Variants in TRIM55 observed in about 807,000 individuals in gnomAD.
TRIM55 encodes the protein tripartite motif-containing protein 55.
In TRIM55, 50 loss-of-function variants were observed where a neutral mutation model predicts 60.9. That is an observed-to-expected ratio of 0.82 (90% CI 0.65 to 1.04). TRIM55 has a LOEUF of 1.04. Among genes scored for constraint, TRIM55 ranks in the 50% least tolerant of loss-of-function variants. The pLI, the probability that TRIM55 is intolerant of heterozygous loss-of-function variation, is 0.00. For missense variants in TRIM55, 681 were observed against 666.9 expected (o/e 1.02, Z -0.23); for synonymous variants, 237 against 238.1 (o/e 1.00, Z 0.04).
In TRIM55 at chr8:66,152,644, CTCTT is replaced by C. The variant is rs1439512981; in HGVS notation, c.1236+21_1236+24del. ...GTGACACAGGTAACCCCTCCTGAGT[CTCTT>C]TCTACAGGGCACATGGGCGTGTCTC... is the stretch of plus-strand genomic sequence containing the variant. On this transcript the variant is annotated intron_variant, in intron 8 of 9. Coordinates refer to ENST00000315962, the MANE Select transcript of TRIM55 (RefSeq NM_184085.2). 6 of 1,611,024 alleles carry C rather than the reference CTCTT, an allele frequency of 3.7e-6. No individual in the cohort carries two copies. Among genetic ancestry groups the C allele is most frequent in the Admixed American group, 1.7e-5 (1 of 59,456 alleles).
the TRIM55 span, among the ~76,000 whole-genome samples, chr8:66,118,697 C>T: frequency 6.6e-6 from 1 of 152,150 alleles, no homozygotes; most frequent in African/African-American, 2.4e-5. Flanking sequence ...TTGGGCCACA[C>T]CCTGAGCTCT....
intron 4 of TRIM55, among the ~76,000 whole-genome samples, chr8:66,148,648 A>G (rs1427032059): frequency 2.0e-5 from 3 of 152,236 alleles, no homozygotes; most frequent in African/African-American, 7.2e-5. Context: ...AATGGAGGAT[A>G]GTAGAATGTT....
At chr8:66,155,553 C>A in intron 9 of TRIM55, 2 of 1,219,020 alleles carry the variant, frequency 1.6e-6, no homozygotes, top group South Asian at 2.6e-5. Context: ...AATGAAAAGT[C>A]CATTGAAATA....
In TRIM55 at chr8:66,128,404, A is replaced by G. The variant is rs1227234086; in HGVS notation, c.269A>G (p.His90Arg). The change falls in exon 2 of 10, where the codon CAT becomes CGT. Residue 90 changes from histidine to arginine, a missense_variant. His to Arg is a conservative substitution (Grantham distance 29). Coordinates refer to ENST00000315962, the MANE Select transcript of TRIM55 (RefSeq NM_184085.2). ...AGACATGAAGTGGTTTTGGATAGAC[A>G]TGGGGTATATGGACTTCAGAGGAAC... is the stretch of plus-strand genomic sequence containing the variant. ...SCRHEVVLDRHGVYGLQRNLL... is the reference protein window; with the variant it reads ...SCRHEVVLDRRGVYGLQRNLL... The G allele has an allele frequency of 6.2e-7, 1 of 1,613,908 alleles. No individual in the cohort carries two copies. Among genetic ancestry groups the G allele is most frequent in the South Asian group, 1.1e-5 (1 of 90,996 alleles).
chr8:66,136,248 G>A (rs1809473776), intron 3 of TRIM55, among the ~76,000 whole-genome samples: 1 of 152,142 alleles, frequency 6.6e-6, no homozygotes, highest in East Asian at 1.9e-4. Flanking sequence ...ATGTGAGATG[G>A]ACAGAAGAAC....
At chr8:66,134,023 T>C (rs929395697) in intron 2 of TRIM55, among the ~76,000 whole-genome samples, 2 of 152,170 alleles carry the variant, frequency 1.3e-5, no homozygotes, top group African/African-American at 2.4e-5. Flanking sequence ...CGAACAGCAA[T>C]ACTTATTTTT....
At chr8:66,174,130 A>T (rs1019404803) in intron 9 of TRIM55, among the ~76,000 whole-genome samples, 12 of 151,790 alleles carry the variant, frequency 7.9e-5, no homozygotes, top group Admixed American at 1.3e-4. Context: ...TAGAGGTTTC[A>T]ATGAGACTTT....
chr8:66,125,043 T>C (rs1808766690), upstream of TRIM55, among the ~76,000 whole-genome samples: 1 of 152,258 alleles, frequency 6.6e-6, no homozygotes, highest in African/African-American at 2.4e-5. Flanking sequence ...GGTGAAAGGC[T>C]GATCAAAGAC....
In TRIM55 at chr8:66,150,222, C is replaced by T; in HGVS notation, c.843C>T (p.Ala281=). 1 of 1,613,070 alleles carries T rather than the reference C, an allele frequency of 6.2e-7. No homozygotes were observed. The highest frequency in any genetic ancestry group is 1.1e-5 in the South Asian group (1 of 90,812). ...EPEMAVFLQN[A]KTLLKKISEA... Reference sequence around the variant, plus strand: ...TCTTTTGTTTGCTTTCACAGAATGCCAAAACCCTGCTAAAAAAGTAAGAAC... The same window carrying T: ...TCTTTTGTTTGCTTTCACAGAATGCTAAAACCCTGCTAAAAAAGTAAGAAC... Residue 281 remains alanine (A), a synonymous_variant, in exon 6 of 10, where the codon GCC becomes GCT. Coordinates refer to ENST00000315962, the MANE Select transcript of TRIM55 (RefSeq NM_184085.2).
intron 2 of TRIM55, among the ~76,000 whole-genome samples, chr8:66,134,462 C>T (rs2128974392): frequency 6.6e-6 from 1 of 152,216 alleles, no homozygotes; most frequent in South Asian, 2.1e-4. Flanking sequence ...TTTCCTGGGG[C>T]CAGAGGCTGG....
At position 66,152,391 on chromosome 8, in the gene TRIM55, GA is replaced by G. The variant is rs1353971401; in HGVS notation, c.1002del (p.Glu335LysfsTer20). 6.3e-7 allele frequency: 1 copy of G among 1,589,252 alleles called. No individual in the cohort carries two copies. Among genetic ancestry groups the G allele is most frequent in the South Asian group, 1.1e-5 (1 of 88,896 alleles). On this transcript the variant is annotated frameshift_variant, in exon 8 of 10. Transcript: ENST00000315962. LOFTEE classifies it high-confidence loss of function. ...IDFYREDEDEEEEEGGEGEKE... is the reference protein window; with the variant it reads ...IDFYREDEDEXEEEGGEGEKE... ...TACCTTACCAGAAGATGAAGATGAA[GA>G]AGAAGAAGAAGGCGGAGAAGGAGAA...
At chr8:66,129,539 A>T (rs1251963299) in intron 2 of TRIM55, among the ~76,000 whole-genome samples, 2 of 152,210 alleles carry the variant, frequency 1.3e-5, no homozygotes, top group Non-Finnish European at 2.9e-5. Flanking sequence ...CAGTACCAGG[A>T]TCTAGATGGG....
Position 66,174,534 on chromosome 8 carries a change from G to C in TRIM55, c.1588G>C (p.Asp530His), listed in dbSNP as rs1811818715. The C allele has an allele frequency of 6.2e-7, 1 of 1,611,614 alleles. No homozygotes were observed. The highest frequency in any genetic ancestry group is 2.2e-5 in the East Asian group (1 of 44,602). Residue 530 changes from aspartate (D) to histidine (H), a missense_variant, in exon 10 of 10, where the codon GAT (aspartate) becomes CAT (histidine). Asp to His is a moderately conservative substitution (Grantham distance 81, BLOSUM62 -1). Coordinates refer to ENST00000315962, the MANE Select transcript of TRIM55 (RefSeq NM_184085.2). ...AAAPASGSGA[D>H]SEPARHIFSF... Reference sequence around the variant, plus strand: ...AGCTCCAGCGAGTGGCAGTGGAGCTGATTCTGAGCCAGCTCGCCATATCTT... The same window carrying C: ...AGCTCCAGCGAGTGGCAGTGGAGCTCATTCTGAGCCAGCTCGCCATATCTT...
chr8:66,155,541 A>G lies in TRIM55; in HGVS notation c.1524+1207A>G, dbSNP rs1810688879. On this transcript the variant is annotated intron_variant, in intron 9 of 9. Transcript: ENST00000315962. ...AAGAGCACGTAGTAGGGCTCAAGCC[A>G]AAATGAAAAGTCCATTGAAATAATG... The G allele has an allele frequency of 8.7e-6, 10 of 1,144,760 alleles. No homozygotes were observed. The South Asian group carries it at 1.4e-4, about 16-fold the overall frequency. 70.9% of individuals were successfully genotyped at this position (1,144,760 alleles called of 1,614,324 possible). A position where few individuals can be genotyped will look rare whatever the true frequency, so the allele number is the denominator to read the frequency against.
chr8:66,138,960 A>G (rs1809644675), intron 4 of TRIM55, among the ~76,000 whole-genome samples: 1 of 152,220 alleles, frequency 6.6e-6, no homozygotes, highest in Non-Finnish European at 1.5e-5. Flanking sequence ...AGCTATACTT[A>G]TCTCATTTTA....
In TRIM55 at chr8:66,154,262, G is replaced by A; in HGVS notation, c.1452G>A (p.Val484=). 1.2e-6 allele frequency: 2 copies of A among 1,613,284 alleles called. No homozygotes were observed. The highest frequency in any genetic ancestry group is 1.7e-6 in the Non-Finnish European group (2 of 1,179,884). ...SEDSNVRKAE[V]AAAAASERAA... ...ATTCGAATGTACGGAAGGCAGAAGT[G>A]GCAGCAGCCGCAGCGAGTGAGAGGG... is the stretch of plus-strand genomic sequence containing the variant. Residue 484 remains valine (V), a synonymous_variant, in exon 9 of 10, where the codon GTG becomes GTA. Coordinates refer to ENST00000315962, the MANE Select transcript of TRIM55 (RefSeq NM_184085.2).
intron 3 of TRIM55, 35 bp downstream of exon 3, chr8:66,135,190 C>A (rs766570178): frequency 3.1e-6 from 5 of 1,610,968 alleles, no homozygotes; most frequent in Non-Finnish European, 4.2e-6. Context: ...CGCAACCCCT[C>A]CCCATCCCCA....
intron 9 of TRIM55, among the ~76,000 whole-genome samples, chr8:66,173,870 T>A (rs1294406044): frequency 6.6e-6 from 1 of 152,204 alleles, no homozygotes; most frequent in Non-Finnish European, 1.5e-5. Flanking sequence ...ATATTGGATT[T>A]GATTTAATAT....
At chr8:66,156,937 G>C (rs531280284) in intron 9 of TRIM55, among the ~76,000 whole-genome samples, 2 of 152,334 alleles carry the variant, frequency 1.3e-5, no homozygotes, top group East Asian at 3.9e-4. Flanking sequence ...GTGGTAAAAA[G>C]GAGTGGGAGG....
Sources: gnomAD v4.1 joint callset for allele counts (sites outside exome capture counted in the v4.1 genomes callset) on GRCh38, gnomAD v4.1.1 for gene constraint, MANE v1.5 for transcripts, NCBI Gene and HGNC (gene_info 2026-07-23, HGNC 2026-07-21) for gene names.